Variants in DDX54 observed in about 807,000 individuals in gnomAD.
DDX54 encodes the protein DEAD-box helicase 54, also known as ATP-dependent RNA helicase DDX54.
A neutral mutation model predicts 105.5 loss-of-function variants in DDX54; 67 were observed. The observed-to-expected ratio is 0.64, with a 90% CI of 0.52 to 0.78. The LOEUF (loss-of-function observed/expected upper bound fraction) is 0.78. Among genes scored for constraint, DDX54 ranks in the 30% least tolerant of loss-of-function variants. The pLI, the probability that DDX54 is intolerant of heterozygous loss-of-function variation, is 0.00. For synonymous variants in DDX54, 514 were observed against 509.9 expected, an observed-to-expected ratio of 1.01 and a Z score of -0.11; for missense variants, 1,206 against 1,230.5, an observed-to-expected ratio of 0.98 and a Z score of 0.30.
rs549634924 is a variant in DDX54, at chr12:113,178,919, G to C, written c.614+58C>G. 3 of 1,593,056 alleles carry C rather than the reference G, an allele frequency of 1.9e-6. No individual in the cohort carries two copies. In the Admixed American group the frequency reaches 5.1e-5, roughly 27 times the overall value. On this transcript the variant is annotated intron_variant, in intron 5 of 19. Transcript: ENST00000306014. ...CAGCTTAAATCGAACTAATGTCCTG[G>C]AGACACAGAGATGTGCCTGCATGGT...
At chr12:113,169,720 G>A in intron 12 of DDX54, 50 bp downstream of exon 12, 2 of 1,588,092 alleles carry the variant, frequency 1.3e-6, no homozygotes, top group East Asian at 4.5e-5. Flanking sequence ...AGCCAAAACA[G>A]GGCCCATGAA....
In DDX54 at chr12:113,158,719, C is replaced by G. The variant is rs1952166655; in HGVS notation, c.*158G>C. On this transcript the variant is annotated 3_prime_UTR_variant, in exon 20 of 20. Transcript: ENST00000306014. This position sits in a 1 kb window ranked among gnomAD's most constrained non-coding sequence, Gnocchi z 4.9. The stretch of plus-strand genomic sequence containing the variant: ...GTCTTAGGCTGACGCAGCTGCTGCC[C>G]TTCTGTGGCCATACAGTGCTCCTTT... The G allele has an allele frequency of 7.6e-6, 6 of 793,568 alleles. No individual in the cohort carries two copies. The South Asian group carries it at 1.3e-4, about 17-fold the overall frequency. 49.2% of individuals were successfully genotyped at this position (793,568 alleles called of 1,614,324 possible).
Position 113,175,105 on chromosome 12 carries a change from G to A in DDX54, c.805C>T (p.Pro269Ser). ...AACAGCACCGTCTGGTGGCCCCCGG[G>A]GAGGCGGGCGATGATCTCCTGCAGC... ...EQLQEIIARL[P>S]GGHQTVLFSA... The change falls in exon 8 of 20, where the codon CCC becomes TCC. Residue 269 changes from proline (P) to serine (S), a missense_variant. This residue lies in a region of DDX54 where 961 missense variants were observed against 1,019.1 expected (regional missense o/e 0.94). Transcript: ENST00000306014. 1 of 1,613,786 alleles carries A rather than the reference G, an allele frequency of 6.2e-7. No individual in the cohort carries two copies. Among genetic ancestry groups the A allele is most frequent in the Admixed American group, 1.7e-5 (1 of 60,024 alleles).
In DDX54 at chr12:113,165,980, G is replaced by A. The variant is rs148560537; in HGVS notation, c.1467C>T (p.Asp489=). The A allele has an allele frequency of 7.6e-5, 122 of 1,612,490 alleles. No homozygotes were observed. Among genetic ancestry groups the A allele is most frequent in the South Asian group, 1.3e-4 (12 of 91,082 alleles). ...MLGRVPQSVV[D]EEDSGLQSTL... ...TGCTCTGCAGACCACTGTCCTCCTC[G>A]TCCACCACACTCTGTGGCACCCGAC... Residue 489 remains aspartate, a synonymous_variant, in exon 13 of 20, where the codon GAC becomes GAT. Coordinates refer to ENST00000306014, the MANE Select transcript of DDX54 (RefSeq NM_024072.4).
chr12:113,168,565 G>A (rs1442785147), intron 12 of DDX54, among the ~76,000 whole-genome samples: 4 of 152,244 alleles, frequency 2.6e-5, no homozygotes, highest in African/African-American at 7.2e-5. Flanking sequence ...ATAGTTGGAG[G>A]CCCACAGATG....
At chr12:113,184,495 G>A (rs914737506) in intron 1 of DDX54, among the ~76,000 whole-genome samples, 2 of 152,194 alleles carry the variant, frequency 1.3e-5, no homozygotes. Context: ...AATAAGGCTC[G>A]TACAGCTCTT....
intron 10 of DDX54, 120 bp from the exon 11 acceptor site, chr12:113,172,683 T>G (rs1593004319): frequency 8.0e-7 from 1 of 1,249,884 alleles, no homozygotes; most frequent in Non-Finnish European, 1.1e-6. Context: ...GGTTCTGGAG[T>G]CTGGCACCCT....
At chr12:113,175,864 G>T (rs2136323360) in intron 7 of DDX54, among the ~76,000 whole-genome samples, 1 of 152,098 alleles carries the variant, frequency 6.6e-6, no homozygotes, top group East Asian at 1.9e-4. Context: ...GACATGGGAG[G>T]ATCCCTTGAG....
intron 11 of DDX54, 66 bp from the exon 12 acceptor site, chr12:113,169,970 A>T: frequency 6.3e-7 from 1 of 1,591,118 alleles, no homozygotes; most frequent in Non-Finnish European, 8.6e-7. Context: ...TGAGTTCCAC[A>T]GGCCAGACCC....
chr12:113,157,446 TCA>T lies in DDX54; in HGVS notation c.*1429_*1430del, dbSNP rs1253356203. On this transcript the variant is annotated 3_prime_UTR_variant, in exon 20 of 20. Coordinates refer to ENST00000306014, the MANE Select transcript of DDX54 (RefSeq NM_024072.4). Reference sequence around the variant, plus strand: ...TCAAAACCCAGAACGGTTTAGGATCTCAGTCACCACCTCTGGGAACCACCATC... The same window carrying T: ...TCAAAACCCAGAACGGTTTAGGATCTGTCACCACCTCTGGGAACCACCATC... The T allele has an allele frequency of 3.1e-6, 2 of 649,828 alleles. No homozygotes were observed. The highest frequency in any genetic ancestry group is 2.7e-5 in the East Asian group (1 of 36,414). 40.3% of individuals were successfully genotyped at this position (649,828 alleles called of 1,614,324 possible). A position where few individuals can be genotyped will look rare whatever the true frequency, so the allele number is the denominator to read the frequency against.
intron 1 of DDX54, among the ~76,000 whole-genome samples, chr12:113,181,747 T>C (rs935068177): frequency 4.7e-5 from 7 of 148,538 alleles, no homozygotes; most frequent in Non-Finnish European, 1.0e-4. Context: ...GTCTCATGCC[T>C]GGCCTCCTTT....
intron 12 of DDX54, among the ~76,000 whole-genome samples, chr12:113,168,992 T>C (rs1952305521): frequency 6.6e-6 from 1 of 151,902 alleles, no homozygotes; most frequent in Non-Finnish European, 1.5e-5. Context: ...TCTCTTTCCC[T>C]CCGCTGCGCT....
intron 11 of DDX54, 21 bp downstream of exon 11, chr12:113,172,332 G>T (rs544683719): frequency 1.2e-6 from 2 of 1,608,800 alleles, no homozygotes; most frequent in South Asian, 2.2e-5. Flanking sequence ...CCTGCCCCAG[G>T]GCCAGCCACG....
chr12:113,177,456 T>C, intron 5 of DDX54: 1 of 232,828 alleles, frequency 4.3e-6, no homozygotes, highest in Non-Finnish European at 8.5e-6. Flanking sequence ...CATGGATCTC[T>C]ATCAGCTCCC....
Position 113,158,959 on chromosome 12 carries a change from C to CGGT in DDX54, c.2561_2563dup (p.Asn854_Arg855insHis), listed in dbSNP as rs1952170530. The CGGT allele has an allele frequency of 6.2e-7, 1 of 1,610,986 alleles. No individual in the cohort carries two copies. The highest frequency in any genetic ancestry group is 1.3e-5 in the African/African-American group (1 of 74,908). ...CTGCTGCAGCTCCTGGACGCGGCGG[C>CGGT]GGTTGCGGGCAGAGAGCTGCTTGAG... On this transcript the variant is annotated inframe_insertion, in exon 20 of 20. Transcript: ENST00000306014. This position sits in a 1 kb window ranked among gnomAD's most constrained non-coding sequence, Gnocchi z 4.9.
chr12:113,184,875 G>A (rs1050006992), intron 1 of DDX54, among the ~76,000 whole-genome samples: 1 of 152,212 alleles, frequency 6.6e-6, no homozygotes, highest in Non-Finnish European at 1.5e-5. Context: ...GCGTCACACT[G>A]TCTCAAGCCA....
chr12:113,171,856 G>A (rs1296917932), intron 11 of DDX54, among the ~76,000 whole-genome samples: 2 of 152,118 alleles, frequency 1.3e-5, no homozygotes, highest in Non-Finnish European at 2.9e-5. Flanking sequence ...GAAGGGCTGC[G>A]TCTCAATAAA....
Position 113,185,472 on chromosome 12 carries a change from G to A in DDX54, c.-21C>T. ...GCCATTCGGGCCGCGCGCTGGGAAC[G>A]CAGAAGGGGGCGTGGCCTGAGGAGC... On this transcript the variant is annotated 5_prime_UTR_variant, in exon 1 of 20. Coordinates refer to ENST00000306014, the MANE Select transcript of DDX54 (RefSeq NM_024072.4). 1 of 1,485,884 alleles carries A rather than the reference G, an allele frequency of 6.7e-7. No homozygotes were observed. Among genetic ancestry groups the A allele is most frequent in the Non-Finnish European group, 8.9e-7 (1 of 1,122,142 alleles). 92.0% of individuals were successfully genotyped at this position (1,485,884 alleles called of 1,614,324 possible). A position where few individuals can be genotyped will look rare whatever the true frequency, so the allele number is the denominator to read the frequency against.
intron 14 of DDX54, 115 bp from the exon 15 acceptor site, chr12:113,164,400 A>G: frequency 3.9e-6 from 5 of 1,284,268 alleles, no homozygotes; most frequent in Non-Finnish European, 5.2e-6. Context: ...AGTGTCCATT[A>G]TCTGCACTTC....
Sources: gnomAD v4.1 joint callset for allele counts (sites outside exome capture counted in the v4.1 genomes callset) on GRCh38, gnomAD v4.1.1 for gene constraint, gnomAD v4.1.1 regional missense constraint, Gnocchi (gnomAD v3.1) non-coding constraint, MANE v1.5 for transcripts, NCBI Gene and HGNC (gene_info 2026-07-23, HGNC 2026-07-21) for gene names.